Variants in INSC observed in about 807,000 individuals in gnomAD.
INSC encodes INSC spindle orientation adaptor protein, also known as protein inscuteable homolog.
A neutral mutation model predicts 58.6 loss-of-function variants in INSC; 67 were observed. The ratio of observed to expected loss-of-function variants is 1.14; its 90% CI spans 0.94 to 1.40. The LOEUF (loss-of-function observed/expected upper bound fraction) is 1.40, where lower values mean the gene tolerates loss of function less well. Ranked by LOEUF, INSC falls within the 40% of genes most tolerant of loss-of-function variation. The pLI, the probability that INSC is intolerant of heterozygous loss-of-function variation, is 0.00. For missense variants in INSC, 714 were observed against 692.0 expected (o/e 1.03, Z -0.36); for synonymous variants, 262 against 276.1 (o/e 0.95, Z 0.51).
At position 15,190,707 on chromosome 11, in the gene INSC, G is replaced by A. The variant is rs1386739887; in HGVS notation, c.586G>A (p.Val196Met). Residue 196 changes from valine (V) to methionine (M), a missense_variant, in exon 6 of 13, where the codon GTG (valine) becomes ATG (methionine). Transcript: ENST00000379556. ...LALTREVQAL[V>M]RKIDASDNIY... ...CTTTTCTCTCTCTTCTTAGGCACTG[G>A]TGAGAAAAATTGATGCCTCAGACAA... is the stretch of plus-strand genomic sequence containing the variant. 1 of 1,612,360 alleles carries A rather than the reference G, an allele frequency of 6.2e-7. No homozygotes were observed.
intron 12 of INSC, among the ~76,000 whole-genome samples, chr11:15,242,151 G>GC (rs1369585756): frequency 6.6e-6 from 1 of 152,144 alleles, no homozygotes; most frequent in Non-Finnish European, 1.5e-5. Context: ...GTAATGATTG[G>GC]CCCCAACTAC....
intron 4 of INSC, 39 bp from the exon 5 acceptor site, chr11:15,178,285 C>A: frequency 6.2e-7 from 1 of 1,611,788 alleles, no homozygotes; most frequent in Non-Finnish European, 8.5e-7. Context: ...TGACCACATG[C>A]CCTTTCCAGT....
intron 1 of INSC, among the ~76,000 whole-genome samples, chr11:15,117,968 G>A (rs1330028708): frequency 1.3e-5 from 2 of 152,188 alleles, no homozygotes; most frequent in African/African-American, 4.8e-5. Context: ...TGTCTCAAAA[G>A]CTCAAGTGTC....
chr11:15,220,633 G>A (rs1207957935), intron 7 of INSC, among the ~76,000 whole-genome samples: 1 of 152,170 alleles, frequency 6.6e-6, no homozygotes, highest in Admixed American at 6.5e-5. Context: ...TTTCTTGTCT[G>A]TAAAATGGGA....
chr11:15,140,511 C>T (rs1237710140), intron 1 of INSC, among the ~76,000 whole-genome samples: 1 of 151,940 alleles, frequency 6.6e-6, no homozygotes, highest in East Asian at 1.9e-4. Context: ...GTGTGCATGT[C>T]CCAGGTGTAG....
At chr11:15,259,736 T>C in the INSC span, among the ~76,000 whole-genome samples, 6 of 152,170 alleles carry the variant, frequency 3.9e-5, no homozygotes, top group Non-Finnish European at 8.8e-5. Context: ...TAGATGTTTT[T>C]CTCCAAATTT....
downstream of INSC, among the ~76,000 whole-genome samples, chr11:15,248,451 T>C (rs1852615228): frequency 6.6e-6 from 1 of 152,200 alleles, no homozygotes; most frequent in South Asian, 2.1e-4. Flanking sequence ...CTCACAGAGC[T>C]CCTGAATGTG....
At chr11:15,164,025 C>G (rs1177628470) in intron 2 of INSC, among the ~76,000 whole-genome samples, 1 of 152,084 alleles carries the variant, frequency 6.6e-6, no homozygotes, top group Non-Finnish European at 1.5e-5. Flanking sequence ...ATTTCTAATT[C>G]CTTCCTGAGT....
downstream of INSC, chr11:15,247,302 G>A (rs1215835914): frequency 1.3e-5 from 2 of 152,018 alleles, no homozygotes; most frequent in Non-Finnish European, 1.5e-5. Flanking sequence ...AATCACATGA[G>A]TATTAATTAG....
chr11:15,256,662 G>T, the INSC span, among the ~76,000 whole-genome samples: 12 of 152,028 alleles, frequency 7.9e-5, no homozygotes, highest in African/African-American at 2.9e-4. Context: ...GCTAATTTTT[G>T]TATTTTTAGT....
chr11:15,261,051 G>GGCTTTGTT, the INSC span, among the ~76,000 whole-genome samples: 1 of 152,138 alleles, frequency 6.6e-6, no homozygotes, highest in Admixed American at 6.6e-5. Flanking sequence ...GTTCTTGCAT[G>GGCTTTGTT]ACTTTGTTAG....
intron 9 of INSC, among the ~76,000 whole-genome samples, chr11:15,229,953 TATATA>T (rs1564916809): frequency 3.1e-4 from 2 of 6,416 alleles, no homozygotes; most frequent in Non-Finnish European, 4.7e-4. Context: ...TAATATTATA[TATATA>T]TTTATATATA....
At position 15,115,133 on chromosome 11, in the gene INSC, G is replaced by A. The variant is rs866240045; in HGVS notation, c.-46+130G>A. On this transcript the variant is annotated intron_variant, in intron 1 of 12. Coordinates refer to ENST00000379556, the MANE Select transcript of INSC (RefSeq NM_001042536.3). ...TGTGTCAGTGGGAGTGCTTGTGAAG[G>A]GGAGCTTGCGCCAGTGTGAGGGAGT... The A allele has an allele frequency of 9.8e-6, 5 of 511,218 alleles. No homozygotes were observed. The South Asian group carries it at 3.3e-4, about 34-fold the overall frequency. 31.7% of individuals were successfully genotyped at this position (511,218 alleles called of 1,614,324 possible).
the INSC span, among the ~76,000 whole-genome samples, chr11:15,268,335 T>C: frequency 8.5e-5 from 13 of 152,086 alleles, no homozygotes; most frequent in Non-Finnish European, 1.8e-4. Flanking sequence ...ACTACTTTAG[T>C]CAGAAAATCC....
chr11:15,224,672 A>C (rs1201566750), intron 8 of INSC, among the ~76,000 whole-genome samples: 1 of 152,160 alleles, frequency 6.6e-6, no homozygotes, highest in East Asian at 1.9e-4. Flanking sequence ...AAATGGGGGA[A>C]GCACCATGGA....
chr11:15,176,894 G>A (rs1215642584), intron 3 of INSC, among the ~76,000 whole-genome samples: 1 of 152,102 alleles, frequency 6.6e-6, no homozygotes, highest in African/African-American at 2.4e-5. Context: ...AGCTTCCTCA[G>A]CATAAATAAC....
At chr11:15,237,768 T>C (rs776984016) in intron 10 of INSC, among the ~76,000 whole-genome samples, 2 of 152,080 alleles carry the variant, frequency 1.3e-5, no homozygotes, top group African/African-American at 4.8e-5. Context: ...AGAGACAGGA[T>C]CAATCTCTTT....
In INSC at chr11:15,246,156, T is replaced by G; in HGVS notation, c.*116T>G. The G allele has an allele frequency of 8.9e-7, 1 of 1,126,250 alleles. No individual in the cohort carries two copies. Among genetic ancestry groups the G allele is most frequent in the Non-Finnish European group, 1.2e-6 (1 of 811,254 alleles). 69.8% of individuals were successfully genotyped at this position (1,126,250 alleles called of 1,614,324 possible). Reference sequence around the variant, plus strand: ...CATCTTCTTATTTATACTTAACTTATTTTTGTGTGAAATAAATGGAGGACA... The same window carrying G: ...CATCTTCTTATTTATACTTAACTTAGTTTTGTGTGAAATAAATGGAGGACA... On this transcript the variant is annotated 3_prime_UTR_variant, in exon 13 of 13. Transcript: ENST00000379556.
At position 15,246,662 on chromosome 11, in the gene INSC, C is replaced by T. The variant is rs1852576097; in HGVS notation, c.*622C>T. 6.6e-6 allele frequency: 1 copy of T among 152,468 alleles called. No individual in the cohort carries two copies. The highest frequency in any genetic ancestry group is 1.9e-4 in the East Asian group (1 of 5,200). The allele number at this position is 152,468 out of a possible 1,614,324, so 9.4% of individuals were successfully genotyped here. A position where few individuals can be genotyped will look rare whatever the true frequency, so the allele number is the denominator to read the frequency against. On this transcript the variant is annotated 3_prime_UTR_variant, in exon 13 of 13. Coordinates refer to ENST00000379556, the MANE Select transcript of INSC (RefSeq NM_001042536.3). ...CATAGGTGTATAAATAGGTTAAGTT[C>T]TGAGTGACTTAGTGAGAAACCAAAG...
Sources: allele counts gnomAD v4.1 joint callset (sites outside exome capture counted in the v4.1 genomes callset), GRCh38; gene constraint gnomAD v4.1.1; transcripts MANE v1.5; gene names NCBI Gene and HGNC (gene_info 2026-07-23, HGNC 2026-07-21).